Variants in NOX4 observed in about 807,000 individuals in gnomAD.
The protein encoded by NOX4 is NADPH oxidase 4.
Under a neutral mutation model 87.6 loss-of-function variants are expected in NOX4, and 69 were observed. That is an observed-to-expected ratio of 0.79 (90% CI 0.65 to 0.96). The LOEUF is 0.96. NOX4 is among the 40% of genes least tolerant of loss of function. The pLI is 0.00. For synonymous variants in NOX4, 275 were observed against 238.2 expected (o/e 1.15, Z -1.42); for missense variants, 680 against 681.5 (o/e 1.00, Z 0.02).
At chr11:89,546,605 G>C in the NOX4 span, 1 of 152,054 alleles carries the variant, frequency 6.6e-6, no homozygotes, top group East Asian at 1.9e-4. Context: ...CCACGCACTG[G>C]GTAGTTTATA....
intron 11 of NOX4, among the ~76,000 whole-genome samples, chr11:89,391,019 G>A (rs1436267723): frequency 6.6e-6 from 1 of 152,104 alleles, no homozygotes; most frequent in Non-Finnish European, 1.5e-5. Context: ...GATGGGGGAA[G>A]GAGGCTCTGT....
chr11:89,402,303 A>C, intron 9 of NOX4, 23 bp downstream of exon 9: 1 of 1,571,492 alleles, frequency 6.4e-7, no homozygotes, highest in South Asian at 1.1e-5. Context: ...CTTTGTGGAG[A>C]TCAAACACAA....
upstream of NOX4, among the ~76,000 whole-genome samples, chr11:89,499,816 C>T (rs1177968888): frequency 6.6e-6 from 1 of 152,114 alleles, no homozygotes; most frequent in Non-Finnish European, 1.5e-5. Flanking sequence ...AGCACAATGC[C>T]TGGTTCATTA....
the NOX4 span, among the ~76,000 whole-genome samples, chr11:89,558,895 T>G: frequency 6.6e-6 from 1 of 152,134 alleles, no homozygotes; most frequent in African/African-American, 2.4e-5. Context: ...TCACAAATCA[T>G]AAGTGCAAAG....
chr11:89,549,233 T>C, the NOX4 span, among the ~76,000 whole-genome samples: 1 of 152,356 alleles, frequency 6.6e-6, no homozygotes, highest in South Asian at 2.1e-4. Flanking sequence ...TTATTACTAA[T>C]AGTTGCAGAC....
At chr11:89,403,176 A>C (rs1286808303) in intron 8 of NOX4, among the ~76,000 whole-genome samples, 1 of 152,128 alleles carries the variant, frequency 6.6e-6, no homozygotes, top group African/African-American at 2.4e-5. Flanking sequence ...ACACCATAAA[A>C]ATCTCATTCT....
chr11:89,515,965 C>T, the NOX4 span, among the ~76,000 whole-genome samples: 82 of 152,168 alleles, frequency 5.4e-4, no homozygotes, highest in Non-Finnish European at 1.0e-3. Flanking sequence ...TTAAGTTCAT[C>T]CAATAAATTT....
intron 2 of NOX4, among the ~76,000 whole-genome samples, chr11:89,477,791 C>T (rs1023900626): frequency 4.6e-5 from 7 of 151,796 alleles, no homozygotes; most frequent in African/African-American, 1.7e-4. Context: ...TTTATAAAGG[C>T]CAAGAATTTG....
chr11:89,340,349 A>C (rs1410435460), intron 14 of NOX4, among the ~76,000 whole-genome samples, 178 bp from the exon 15 acceptor site: 1 of 152,210 alleles, frequency 6.6e-6, no homozygotes, highest in Non-Finnish European at 1.5e-5. Flanking sequence ...ACCTAAATGA[A>C]TTTAATATGC....
rs779643336 is a variant in NOX4, at chr11:89,421,953, G to A, written c.578C>T (p.Thr193Ile). Residue 193 changes from threonine to isoleucine, a missense_variant, in exon 8 of 18, where the codon ACT (threonine) becomes ATT (isoleucine). By Grantham distance (89) the Thr-to-Ile change is moderately conservative. Coordinates refer to ENST00000263317, the MANE Select transcript of NOX4 (RefSeq NM_016931.5). ...GTAGAAGACAAAGAAGAGGTTATGA[G>A]TATACCAGAAGATATCATAGTTAGA... Reference protein sequence around the residue: ...RVSNYDIFWYTHNLFFVFYML... With the variant: ...RVSNYDIFWYIHNLFFVFYML... The A allele has an allele frequency of 1.5e-5, 23 of 1,563,270 alleles. No homozygotes were observed. Among genetic ancestry groups the A allele is most frequent in the Middle Eastern group, 1.7e-4 (1 of 5,908 alleles).
In NOX4 at chr11:89,432,789, T is replaced by C; in HGVS notation, c.543A>G (p.Ala181=). ...LFLMITASTY[A]IRVSNYDIFW... ...TAATTGATTCTGACACTTACCTTAT[T>C]GCATATGTAGAGGCTGTGATCATGA... Residue 181 remains alanine (A), a synonymous_variant, in exon 7 of 18, where the codon GCA becomes GCG. Coordinates refer to ENST00000263317, the MANE Select transcript of NOX4 (RefSeq NM_016931.5). 6.2e-7 allele frequency: 1 copy of C among 1,604,768 alleles called. No individual in the cohort carries two copies. Among genetic ancestry groups the C allele is most frequent in the Non-Finnish European group, 8.5e-7 (1 of 1,172,270 alleles).
At chr11:89,446,184 G>T (rs893456710) in intron 4 of NOX4, among the ~76,000 whole-genome samples, 16 of 152,040 alleles carry the variant, frequency 1.1e-4, no homozygotes, top group Admixed American at 9.8e-4. Flanking sequence ...CTATTAGAAT[G>T]ACCAAAATCC....
intron 11 of NOX4, among the ~76,000 whole-genome samples, chr11:89,378,626 G>T (rs184911719): frequency 6.6e-6 from 1 of 152,126 alleles, no homozygotes; most frequent in Non-Finnish European, 1.5e-5. Flanking sequence ...CAATGGAATA[G>T]TAAATACTGG....
chr11:89,562,471 T>G, the NOX4 span, among the ~76,000 whole-genome samples: 1 of 152,132 alleles, frequency 6.6e-6, no homozygotes, highest in African/African-American at 2.4e-5. Flanking sequence ...CCGATATAAG[T>G]AACCTGCCCG....
chr11:89,422,906 T>A (rs1251965852), intron 7 of NOX4, among the ~76,000 whole-genome samples: 2 of 151,548 alleles, frequency 1.3e-5, no homozygotes, highest in East Asian at 1.9e-4. Flanking sequence ...TTCAAGTGAT[T>A]CTCCTGCCTC....
At chr11:89,400,796 C>A (rs1941799374) in intron 9 of NOX4, among the ~76,000 whole-genome samples, 1 of 150,550 alleles carries the variant, frequency 6.6e-6, no homozygotes. Flanking sequence ...ATAAGAAAAC[C>A]CTAGATTTTT....
At chr11:89,552,900 C>G in the NOX4 span, among the ~76,000 whole-genome samples, 4 of 152,096 alleles carry the variant, frequency 2.6e-5, no homozygotes, top group African/African-American at 9.7e-5. Context: ...TACTATTATT[C>G]CAATACCAGT....
chr11:89,349,013 G>A (rs1180896279), intron 13 of NOX4, among the ~76,000 whole-genome samples: 1 of 152,154 alleles, frequency 6.6e-6, no homozygotes, highest in Non-Finnish European at 1.5e-5. Context: ...CTTGGGCCAG[G>A]TACAGTGGCT....
chr11:89,537,481 C>T, the NOX4 span, among the ~76,000 whole-genome samples: 1 of 151,568 alleles, frequency 6.6e-6, no homozygotes, highest in African/African-American at 2.4e-5. Flanking sequence ...TGCTTGTAAA[C>T]ACCCTTTTAT....
Sources: gnomAD v4.1 joint callset for allele counts (sites outside exome capture counted in the v4.1 genomes callset) on GRCh38, gnomAD v4.1.1 for gene constraint, MANE v1.5 for transcripts, NCBI Gene and HGNC (gene_info 2026-07-23, HGNC 2026-07-21) for gene names.